The following MAGI2 variants were observed in gnomAD, a reference collection of about 807,000 sequenced individuals.
The protein encoded by MAGI2 is membrane-associated guanylate kinase, WW and PDZ domain-containing protein 2.
Under a neutral mutation model 133.3 loss-of-function variants are expected in MAGI2, and 35 were observed. That is an observed-to-expected ratio of 0.26 (90% confidence interval 0.20 to 0.35). MAGI2 has a LOEUF of 0.35. MAGI2 is among the 10% of genes least tolerant of loss of function. The probability of loss-of-function intolerance (pLI) is 1.00; values close to 1 mark genes in which losing one functional copy is unlikely to be tolerated. For synonymous variants in MAGI2, 729 were observed against 710.6 expected, an observed-to-expected ratio of 1.03 and a Z score of -0.41; for missense variants, 1,636 against 1,863.4, an observed-to-expected ratio of 0.88 and a Z score of 2.25.
intron 1 of MAGI2, among the ~76,000 whole-genome samples, chr7:79,244,261 T>C (rs1832652393): frequency 6.6e-6 from 1 of 152,140 alleles, no homozygotes; most frequent in Non-Finnish European, 1.5e-5. Flanking sequence ...TGAACAACTA[T>C]CCACACAGAA....
intron 21 of MAGI2, among the ~76,000 whole-genome samples, chr7:78,068,780 G>A (rs1814126897): frequency 6.6e-6 from 1 of 152,202 alleles, no homozygotes; most frequent in Admixed American, 6.5e-5. Context: ...ACCCTTGCTG[G>A]TGATGGCAAT....
chr7:78,947,692 G>A (rs1368102936), intron 2 of MAGI2, among the ~76,000 whole-genome samples: 5 of 152,032 alleles, frequency 3.3e-5, no homozygotes, highest in African/African-American at 1.2e-4. Context: ...TATTACTTTT[G>A]GAGATGAAAC....
chr7:79,186,668 G>A (rs977812451), intron 1 of MAGI2, among the ~76,000 whole-genome samples: 5 of 114,696 alleles, frequency 4.4e-5, no homozygotes, highest in East Asian at 2.7e-4. Flanking sequence ...AACAAAGGAC[G>A]TTTACATTTT....
chr7:79,013,547 G>C (rs758113249), intron 1 of MAGI2, among the ~76,000 whole-genome samples: 1 of 152,126 alleles, frequency 6.6e-6, no homozygotes, highest in Non-Finnish European at 1.5e-5. Flanking sequence ...AATAGTTTCT[G>C]CTTGGCTCAC....
intron 1 of MAGI2, among the ~76,000 whole-genome samples, chr7:79,061,772 G>A (rs368472717): frequency 3.9e-5 from 6 of 152,074 alleles, no homozygotes; most frequent in East Asian, 3.9e-4. Flanking sequence ...ATTAAGGTCT[G>A]CTATCAGCCT....
chr7:79,053,482 T>C (rs762018979), intron 1 of MAGI2, among the ~76,000 whole-genome samples: 1 of 152,140 alleles, frequency 6.6e-6, no homozygotes, highest in Non-Finnish European at 1.5e-5. Flanking sequence ...ACTGTCCATG[T>C]CACTAGTAGT....
intron 1 of MAGI2, among the ~76,000 whole-genome samples, chr7:79,186,206 A>T (rs199648766): frequency 8.1e-3 from 22 of 2,730 alleles, no homozygotes; most frequent in East Asian, 0.015. Context: ...ATATATATAT[A>T]TATATATATA....
chr7:78,196,443 C>A (rs549198700), intron 11 of MAGI2, among the ~76,000 whole-genome samples: 3 of 152,220 alleles, frequency 2.0e-5, no homozygotes, highest in Admixed American at 1.3e-4. Context: ...TTAAAAAAAA[C>A]AGTTTTGATA....
intron 2 of MAGI2, among the ~76,000 whole-genome samples, chr7:78,745,253 A>G (rs1052525740): frequency 2.0e-5 from 3 of 152,172 alleles, no homozygotes; most frequent in Non-Finnish European, 2.9e-5. Flanking sequence ...ATGTACCACA[A>G]TGCCCACAGC....
At chr7:78,639,819 A>G (rs371657296) in intron 2 of MAGI2, among the ~76,000 whole-genome samples, 2 of 152,308 alleles carry the variant, frequency 1.3e-5, no homozygotes, top group Non-Finnish European at 2.9e-5. Context: ...GTTGAGTGGC[A>G]TGGCCTGGCT....
At chr7:78,532,983 C>T (rs1430648130) in intron 3 of MAGI2, among the ~76,000 whole-genome samples, 2 of 151,728 alleles carry the variant, frequency 1.3e-5, no homozygotes, top group African/African-American at 2.4e-5. Flanking sequence ...GCTCTGTTGC[C>T]CAGGCTGGAG....
intron 3 of MAGI2, among the ~76,000 whole-genome samples, chr7:78,608,773 T>C (rs547902563): frequency 2.1e-4 from 32 of 152,332 alleles, no homozygotes; most frequent in African/African-American, 7.5e-4. Flanking sequence ...AGTTACATGG[T>C]ACTGAAATTG....
At chr7:79,316,184 T>A (rs1367149363) in intron 1 of MAGI2, among the ~76,000 whole-genome samples, 3 of 152,180 alleles carry the variant, frequency 2.0e-5, no homozygotes, top group Non-Finnish European at 4.4e-5. Flanking sequence ...TCTCCTACTT[T>A]GACTTTTGGC....
chr7:79,290,345 GAT>G (rs34410665), intron 1 of MAGI2, among the ~76,000 whole-genome samples: 2 of 149,686 alleles, frequency 1.3e-5, no homozygotes, highest in Admixed American at 6.7e-5. Context: ...TACAATTGTG[GAT>G]ATATATATAT....
intron 1 of MAGI2, among the ~76,000 whole-genome samples, chr7:79,282,951 A>G (rs1331519076): frequency 6.6e-6 from 1 of 152,102 alleles, no homozygotes; most frequent in Non-Finnish European, 1.5e-5. Context: ...ACAAAAGGCA[A>G]TTCTAGGTTA....
chr7:78,736,490 C>T (rs1165385247), intron 2 of MAGI2, among the ~76,000 whole-genome samples: 1 of 152,130 alleles, frequency 6.6e-6, no homozygotes, highest in African/African-American at 2.4e-5. Context: ...TTCTTATTTT[C>T]ATTAGTGAGG....
chr7:79,372,652 C>T (rs1052372839), intron 1 of MAGI2, among the ~76,000 whole-genome samples: 1 of 152,020 alleles, frequency 6.6e-6, no homozygotes, highest in African/African-American at 2.4e-5. Flanking sequence ...TACATTTTAA[C>T]ACCCAATTTT....
Position 79,366,516 on chromosome 7 carries a change from G to A in MAGI2, c.301+86504C>T, listed in dbSNP as rs150474184. On this transcript the variant is annotated intron_variant, in intron 1 of 21. Coordinates refer to ENST00000354212, the MANE Select transcript of MAGI2 (RefSeq NM_012301.4). ...ATGAAAACCTACTGAGCTAATAAACGTTATAGTACTTAATACACACAAATA... is the reference window on the plus strand; with the variant it reads ...ATGAAAACCTACTGAGCTAATAAACATTATAGTACTTAATACACACAAATA... 1.6e-4 allele frequency among the ~76,000 whole-genome samples: 25 copies of A among 152,086 alleles called. No homozygotes were observed. In the East Asian group the frequency reaches 4.5e-3, roughly 27 times the overall value.
intron 6 of MAGI2, among the ~76,000 whole-genome samples, chr7:78,460,662 C>T (rs573434456): frequency 7.2e-5 from 11 of 152,298 alleles, no homozygotes; most frequent in African/African-American, 2.2e-4. Context: ...TATCTGAATA[C>T]CTAGCCCATT....
Sources: gnomAD v4.1 joint callset for allele counts (sites outside exome capture counted in the v4.1 genomes callset) on GRCh38, gnomAD v4.1.1 for gene constraint, MANE v1.5 for transcripts, NCBI Gene and HGNC (gene_info 2026-07-23, HGNC 2026-07-21) for gene names.